The following GPATCH8 variants were observed in gnomAD, a reference collection of about 807,000 sequenced individuals.
GPATCH8 encodes G patch domain-containing protein 8.
In GPATCH8, 18 loss-of-function variants were observed where a neutral mutation model predicts 118.3. That is an observed-to-expected ratio of 0.15 (90% CI 0.11 to 0.23). GPATCH8 has a LOEUF of 0.23. GPATCH8 is among the 10% of genes least tolerant of loss of function. GPATCH8 has a pLI of 1.00. For synonymous variants in GPATCH8, 659 were observed against 684.7 expected (o/e 0.96, Z 0.59); for missense variants, 1,631 against 1,873.8 (o/e 0.87, Z 2.39).
At chr17:44,414,103 G>GTGTATATATATA in intron 6 of GPATCH8, among the ~76,000 whole-genome samples, 1 of 119,812 alleles carries the variant, frequency 8.3e-6, no homozygotes, top group African/African-American at 3.0e-5. Flanking sequence ...ATATATATGT[G>GTGTATATATATA]TGTATATATA....
chr17:44,483,179 ATATATATAT>A lies in GPATCH8; in HGVS notation c.46-8285_46-8277del, dbSNP rs1568055924. On this transcript the variant is annotated intron_variant, in intron 1 of 7. Coordinates refer to ENST00000591680, the MANE Select transcript of GPATCH8 (RefSeq NM_001002909.4). Reference sequence around the variant, plus strand: ...CAAAAAAAAAAAAAAAAAAAAAAATATATATATATATATATATATATATATATATATATA... The same window carrying A: ...CAAAAAAAAAAAAAAAAAAAAAAATAATATATATATATATATATATATATA... Among the ~76,000 whole-genome samples the A allele has an allele frequency of 3.6e-3, 71 of 19,984 alleles. 4 individuals are homozygous for A. Among genetic ancestry groups the A allele is most frequent in the African/African-American group, 6.9e-3 (30 of 4,368 alleles). The allele number at this position is 19,984 out of a possible 152,430, so 13.1% of individuals were successfully genotyped here. A position where few individuals can be genotyped will look rare whatever the true frequency, so the allele number is the denominator to read the frequency against.
chr17:44,459,161 G>A (rs1287138394), intron 3 of GPATCH8, among the ~76,000 whole-genome samples: 1 of 152,106 alleles, frequency 6.6e-6, no homozygotes, highest in Non-Finnish European at 1.5e-5. Context: ...ACCAAAATTA[G>A]GGATTTAGGG....
At position 44,459,677 on chromosome 17, in the gene GPATCH8, A is replaced by G. The variant is rs150211596; in HGVS notation, c.193+4795T>C. On this transcript the variant is annotated intron_variant, in intron 3 of 7. Coordinates refer to ENST00000591680, the MANE Select transcript of GPATCH8 (RefSeq NM_001002909.4). ...AATTTAAGTATGAAAGGAGTGCACAAAAGTAGAAAACATCATCCTTGGCTT... is the reference window on the plus strand; with the variant it reads ...AATTTAAGTATGAAAGGAGTGCACAGAAGTAGAAAACATCATCCTTGGCTT... Among the ~76,000 whole-genome samples the G allele has an allele frequency of 3.6e-3, 541 of 152,240 alleles. 4 individuals carry two copies. Among genetic ancestry groups the G allele is most frequent in the Admixed American group, 0.013 (200 of 15,292 alleles).
At chr17:44,483,825 T>TTTGTTGTTGTTGTTGTTGTTG (rs55703241) in intron 1 of GPATCH8, among the ~76,000 whole-genome samples, 21 of 149,110 alleles carry the variant, frequency 1.4e-4, no homozygotes, top group Non-Finnish European at 2.2e-4. Flanking sequence ...TTTGGTTGTT[T>TTTGTTGTTGTTGTTGTTGTTG]TTGTTGTTGT....
intron 6 of GPATCH8, among the ~76,000 whole-genome samples, chr17:44,414,725 A>G (rs916079554): frequency 6.6e-6 from 1 of 152,190 alleles, no homozygotes; most frequent in Admixed American, 6.5e-5. Context: ...CCTCATACCC[A>G]TAAGCAGTTA....
intron 1 of GPATCH8, among the ~76,000 whole-genome samples, chr17:44,498,146 T>C (rs1969806729): frequency 6.6e-6 from 1 of 152,160 alleles, no homozygotes; most frequent in South Asian, 2.1e-4. Context: ...CATGAGAAAC[T>C]GTGATGAAAG....
In GPATCH8 at chr17:44,405,979, G is replaced by C. The variant is rs1396223809; in HGVS notation, c.565C>G (p.Gln189Glu). The change falls in exon 7 of 8, where the codon CAG becomes GAG. Residue 189 changes from glutamine (Q) to glutamate (E), a missense_variant. Physicochemically the swap from Gln to Glu is conservative, Grantham distance 29. This residue lies in a region of GPATCH8 where 81 missense variants were observed against 227.6 expected (regional missense o/e 0.36). Coordinates refer to ENST00000591680, the MANE Select transcript of GPATCH8 (RefSeq NM_001002909.4). ...SSRSRKDEKK[Q>E]EKALRRLHEL... ...TGGAGCCGCCGAAGGGCTTTTTCCT[G>C]TTTTTTCTCATCCTTGCGGGATCTT... 1 of 1,611,046 alleles carries C rather than the reference G, an allele frequency of 6.2e-7. No individual in the cohort carries two copies. Among genetic ancestry groups the C allele is most frequent in the Non-Finnish European group, 8.5e-7 (1 of 1,177,188 alleles).
At chr17:44,442,213 TAA>T (rs202099152) in intron 3 of GPATCH8, among the ~76,000 whole-genome samples, 7 of 132,192 alleles carry the variant, frequency 5.3e-5, no homozygotes, top group Non-Finnish European at 9.5e-5. Context: ...AGTGATGATG[TAA>T]AAAAAAAAAA....
At chr17:44,480,706 G>A (rs754334650) in intron 1 of GPATCH8, among the ~76,000 whole-genome samples, 6 of 141,464 alleles carry the variant, frequency 4.2e-5, no homozygotes, top group Non-Finnish European at 9.2e-5. Context: ...GGCAACAAGG[G>A]CAAAAAAAAA....
chr17:44,433,009 T>TTTTTTTC (rs1326432882), intron 5 of GPATCH8, among the ~76,000 whole-genome samples: 1 of 152,006 alleles, frequency 6.6e-6, no homozygotes, highest in South Asian at 2.1e-4. Flanking sequence ...ACCTAGCTAT[T>TTTTTTTC]TTTTTTCTTT....
At position 44,399,238 on chromosome 17, in the gene GPATCH8, G is replaced by A. The variant is rs941326216; in HGVS notation, c.2839C>T (p.Arg947Trp). The A allele has an allele frequency of 9.9e-6, 16 of 1,613,964 alleles. No individual in the cohort carries two copies. The highest frequency in any genetic ancestry group is 9.3e-5 in the African/African-American group (7 of 74,902). Reference protein sequence around the residue: ...LSCSQSRSRSRSHTRERSRSR... With the variant: ...LSCSQSRSRSWSHTRERSRSR... ...CTTGAGCGCTCTCTGGTATGACTCC[G>A]AGATCGGCTTCGGGACTGGCTGCAA... is the stretch of plus-strand genomic sequence containing the variant. The change falls in exon 8 of 8, where the codon CGG becomes TGG. Residue 947 changes from arginine to tryptophan, a missense_variant. Physicochemically the swap from Arg to Trp is moderately radical, Grantham distance 101 (BLOSUM62 -3). Around this residue, in one of 8 missense-constraint regions of GPATCH8, gnomAD observed 922 missense variants for 879.7 expected, o/e 1.05. Coordinates refer to ENST00000591680, the MANE Select transcript of GPATCH8 (RefSeq NM_001002909.4).
At position 44,490,504 on chromosome 17, in the gene GPATCH8, T is replaced by G. The variant is rs142800807; in HGVS notation, c.45+12822A>C. On this transcript the variant is annotated intron_variant, in intron 1 of 7. Coordinates refer to ENST00000591680, the MANE Select transcript of GPATCH8 (RefSeq NM_001002909.4). ...AAAATAAAATTTAAATTTAAAAAAATGATGACTGCTTGGAACACTTATTTC... is the reference window on the plus strand; with the variant it reads ...AAAATAAAATTTAAATTTAAAAAAAGGATGACTGCTTGGAACACTTATTTC... Among the ~76,000 whole-genome samples, 480 of 152,246 alleles carry G rather than the reference T, an allele frequency of 3.2e-3. 4 individuals are homozygous for G. The highest frequency in any genetic ancestry group is 0.011 in the African/African-American group (458 of 41,546).
Position 44,399,587 on chromosome 17 carries a change from C to G in GPATCH8, c.2490G>C (p.Gln830His). The change falls in exon 8 of 8, where the codon CAG (glutamine) becomes CAC (histidine). Residue 830 changes from glutamine to histidine, a missense_variant. Coordinates refer to ENST00000591680, the MANE Select transcript of GPATCH8 (RefSeq NM_001002909.4). ...CCTCACTGTACTGGGATGGAGACTT[C>G]TGGTGCAGCCGGTGTGAGGAAGCAT... ...SDDASSHRLH[Q>H]KSPSQYSEEE... is the part of the protein sequence containing the mutation. The G allele has an allele frequency of 6.2e-7, 1 of 1,614,238 alleles. No individual in the cohort carries two copies.
At chr17:44,438,139 A>G (rs2050576676) in intron 3 of GPATCH8, among the ~76,000 whole-genome samples, 1 of 152,330 alleles carries the variant, frequency 6.6e-6, no homozygotes, top group East Asian at 1.9e-4. Flanking sequence ...CCTAGGTGCA[A>G]TATCACTTTC....
intron 1 of GPATCH8, among the ~76,000 whole-genome samples, chr17:44,481,736 CT>C (rs1197365496): frequency 1.3e-5 from 2 of 152,138 alleles, no homozygotes; most frequent in African/African-American, 2.4e-5. Context: ...TATTTCACCT[CT>C]AAAAAATGTA....
intron 1 of GPATCH8, among the ~76,000 whole-genome samples, chr17:44,487,554 T>C (rs1968882568): frequency 6.6e-6 from 1 of 152,222 alleles, no homozygotes; most frequent in Non-Finnish European, 1.5e-5. Flanking sequence ...CGGTAAAAAA[T>C]AGGTTTAGGT....
chr17:44,421,523 G>A (rs1414335859), intron 6 of GPATCH8, among the ~76,000 whole-genome samples: 1 of 151,666 alleles, frequency 6.6e-6, no homozygotes, highest in African/African-American at 2.4e-5. Flanking sequence ...ACACTACCAT[G>A]CCCAGCTAAT....
At chr17:44,464,382 T>G (rs2051679323) in intron 3 of GPATCH8, 90 bp downstream of exon 3, 2 of 863,666 alleles carry the variant, frequency 2.3e-6, no homozygotes, top group Admixed American at 3.4e-5. Context: ...ACCCAAGTAC[T>G]TTTTTAAAAA....
intron 6 of GPATCH8, among the ~76,000 whole-genome samples, chr17:44,422,920 T>C (rs2049963675): frequency 6.6e-6 from 1 of 152,126 alleles, no homozygotes; most frequent in Non-Finnish European, 1.5e-5. Context: ...TGTCTATATA[T>C]ATATGCTCTA....
Sources: gnomAD v4.1 joint callset for allele counts (sites outside exome capture counted in the v4.1 genomes callset) on GRCh38, gnomAD v4.1.1 for gene constraint, gnomAD v4.1.1 regional missense constraint, MANE v1.5 for transcripts, NCBI Gene and HGNC (gene_info 2026-07-23, HGNC 2026-07-21) for gene names.